Variants in PCDH7 observed in about 807,000 individuals in gnomAD.
PCDH7 encodes protocadherin 7.
A neutral mutation model predicts 58.9 loss-of-function variants in PCDH7; 17 were observed. The observed-to-expected ratio is 0.29, with a 90% CI of 0.20 to 0.43. The LOEUF (loss-of-function observed/expected upper bound fraction) is 0.43. Ranked by LOEUF, PCDH7 falls within the 20% of genes least tolerant of loss-of-function variation. The pLI, the probability that PCDH7 is intolerant of heterozygous loss-of-function variation, is 1.00. For synonymous variants in PCDH7, 664 were observed against 616.4 expected (o/e 1.08, Z -1.14); for missense variants, 1,274 against 1,441.0 (o/e 0.88, Z 1.88).
rs2109223774 is a variant in PCDH7, at chr4:30,721,665, T to G, written c.243T>G (p.Thr81=). 3.1e-6 allele frequency: 5 copies of G among 1,613,956 alleles called. No individual in the cohort carries two copies. Among genetic ancestry groups the G allele is most frequent in the Non-Finnish European group, 3.4e-6 (4 of 1,179,998 alleles). The change falls in exon 1 of 2, where the codon ACT becomes ACG. Residue 81 remains threonine, a synonymous_variant. Transcript: ENST00000361762. The surrounding 1 kb of genome is among the most constrained non-coding windows in gnomAD (Gnocchi z 6.7). ...AGTACCTGAAGATCGACAACCTCAC[T>G]GGCGAGCTGAGCACGAGCGAGCGGC...
intron 1 of PCDH7, among the ~76,000 whole-genome samples, chr4:30,835,696 G>A (rs1034957452): frequency 6.6e-6 from 1 of 152,070 alleles, no homozygotes; most frequent in Admixed American, 6.6e-5. Flanking sequence ...GTAACTTTGG[G>A]CCGCTCACAG....
intron 1 of PCDH7, among the ~76,000 whole-genome samples, chr4:30,746,578 T>C (rs571057907): frequency 2.4e-4 from 37 of 152,338 alleles, no homozygotes; most frequent in Admixed American, 1.1e-3. Context: ...ATTTGCCCCA[T>C]TTGCTTTCCA....
rs184294873 is a variant in PCDH7, at chr4:31,042,515, C to T, written c.*7+92300C>T. On this transcript the variant is annotated intron_variant, in intron 3 of 3. Transcript: ENST00000509759. ...GTGTGTGTATTTTATATTTATGAATCGTTTATGCAGATCGTTTCAAGAAAA... is the reference window on the plus strand; with the variant it reads ...GTGTGTGTATTTTATATTTATGAATTGTTTATGCAGATCGTTTCAAGAAAA... Among the ~76,000 whole-genome samples the T allele has an allele frequency of 1.4e-4, 22 of 152,014 alleles. 1 individual carries two copies. Among genetic ancestry groups the T allele is most frequent in the Admixed American group, 1.4e-3 (21 of 15,224 alleles).
intron 1 of PCDH7, among the ~76,000 whole-genome samples, chr4:30,789,115 C>A (rs1023114787): frequency 7.9e-5 from 12 of 152,176 alleles, no homozygotes; most frequent in African/African-American, 2.6e-4. Flanking sequence ...TATAAGTTAT[C>A]GTGTTCTGGG....
intron 3 of PCDH7, among the ~76,000 whole-genome samples, chr4:31,102,451 G>A (rs932955363): frequency 6.6e-5 from 10 of 152,058 alleles, no homozygotes; most frequent in Non-Finnish European, 8.8e-5. Context: ...GGCTGGGCAC[G>A]GTGCCTCATG....
intron 1 of PCDH7, among the ~76,000 whole-genome samples, chr4:30,810,074 A>G (rs1726778645): frequency 6.6e-6 from 1 of 152,210 alleles, no homozygotes; most frequent in South Asian, 2.1e-4. Flanking sequence ...TATAACTAAA[A>G]ATGCCATTTG....
At chr4:30,747,197 A>C (rs1175529267) in intron 1 of PCDH7, among the ~76,000 whole-genome samples, 1 of 152,204 alleles carries the variant, frequency 6.6e-6, no homozygotes, top group Non-Finnish European at 1.5e-5. Context: ...GATCTAAGAA[A>C]ATAGAAGCAT....
At chr4:30,881,399 C>T (rs1448932578) in intron 1 of PCDH7, among the ~76,000 whole-genome samples, 2 of 152,024 alleles carry the variant, frequency 1.3e-5, no homozygotes, top group African/African-American at 4.8e-5. Flanking sequence ...TTCCTTACTA[C>T]AAGAAGGGAG....
chr4:30,817,257 C>G (rs964318997), intron 1 of PCDH7, among the ~76,000 whole-genome samples: 1 of 152,150 alleles, frequency 6.6e-6, no homozygotes, highest in Admixed American at 6.5e-5. Context: ...TTCCATCTAT[C>G]TCATAGGATG....
intron 3 of PCDH7, among the ~76,000 whole-genome samples, chr4:30,999,842 G>A (rs1422616186): frequency 6.6e-6 from 1 of 152,018 alleles, no homozygotes; most frequent in Non-Finnish European, 1.5e-5. Flanking sequence ...GTATTTTAAA[G>A]CACCTAATTT....
intron 1 of PCDH7, among the ~76,000 whole-genome samples, chr4:30,851,649 G>A (rs957840977): frequency 3.3e-5 from 5 of 151,908 alleles, no homozygotes; most frequent in African/African-American, 1.2e-4. Context: ...GATGCCTTTT[G>A]GAAATGGCAT....
rs142469151 is a variant in PCDH7, at chr4:30,723,917, C to T, written c.2495C>T (p.Thr832Met). 81 of 1,613,932 alleles carry T rather than the reference C, an allele frequency of 5.0e-5. No individual in the cohort carries two copies. In the African/African-American group the frequency reaches 9.3e-4, roughly 19 times the overall value. Reference sequence around the variant, plus strand: ...AGTGGGCAGCCTTCCCAGTCCACCACGACTCTGGTGCACGTGTTTGTCAAT... The same window carrying T: ...AGTGGGCAGCCTTCCCAGTCCACCATGACTCTGGTGCACGTGTTTGTCAAT... Residue 832 changes from threonine to methionine, a missense_variant, in exon 1 of 2, where the codon ACG becomes ATG. Transcript: ENST00000361762. The surrounding 1 kb of genome is among the most constrained non-coding windows in gnomAD (Gnocchi z 4.6).
intron 3 of PCDH7, among the ~76,000 whole-genome samples, chr4:31,135,010 G>A (rs915831858): frequency 9.2e-5 from 14 of 152,190 alleles, no homozygotes; most frequent in Non-Finnish European, 1.8e-4. Context: ...AAGTGGGTAT[G>A]TGTAGGGAGA....
At chr4:30,767,208 G>C (rs1409595482) in intron 1 of PCDH7, among the ~76,000 whole-genome samples, 1 of 152,174 alleles carries the variant, frequency 6.6e-6, no homozygotes, top group Non-Finnish European at 1.5e-5. Context: ...CAATAGCAGG[G>C]TATGGATTTG....
intron 3 of PCDH7, among the ~76,000 whole-genome samples, chr4:31,022,218 A>G (rs1267598680): frequency 6.6e-6 from 1 of 152,188 alleles, no homozygotes; most frequent in African/African-American, 2.4e-5. Context: ...ATAATTTTTA[A>G]AAATCTCATG....
intron 3 of PCDH7, among the ~76,000 whole-genome samples, chr4:30,982,704 A>AT (rs1194601438): frequency 2.0e-5 from 3 of 151,912 alleles, no homozygotes; most frequent in Non-Finnish European, 4.4e-5. Flanking sequence ...ACTTTTGTTG[A>AT]TTTTTTTTCC....
intron 3 of PCDH7, among the ~76,000 whole-genome samples, chr4:30,973,565 T>C (rs1178949729): frequency 2.0e-5 from 3 of 152,124 alleles, no homozygotes; most frequent in African/African-American, 2.4e-5. Flanking sequence ...AGCATTAAGA[T>C]TACTGAATCC....
intron 1 of PCDH7, among the ~76,000 whole-genome samples, chr4:30,793,535 TAAAAA>T (rs201762472): frequency 6.7e-6 from 1 of 149,628 alleles, no homozygotes; most frequent in Non-Finnish European, 1.5e-5. Context: ...TGAAGACAAT[TAAAAA>T]AAGAAAAAGA....
intron 3 of PCDH7, among the ~76,000 whole-genome samples, chr4:30,989,748 T>C (rs924932070): frequency 5.9e-5 from 9 of 152,156 alleles, no homozygotes; most frequent in African/African-American, 2.2e-4. Flanking sequence ...GAATAGGGGT[T>C]ATGTTGTATA....
Sources: allele counts gnomAD v4.1 joint callset (sites outside exome capture counted in the v4.1 genomes callset), GRCh38; gene constraint gnomAD v4.1.1; non-coding constraint Gnocchi (gnomAD v3.1); transcripts MANE v1.5; gene names NCBI Gene and HGNC (gene_info 2026-07-23, HGNC 2026-07-21).